PPP1R1C: variants seen among roughly 807,000 people sequenced by gnomAD.
PPP1R1C encodes the protein protein phosphatase 1 regulatory inhibitor subunit 1C.
In PPP1R1C, 15 loss-of-function variants were observed where a neutral mutation model predicts 17.4. The observed-to-expected ratio is 0.86, with a 90% CI of 0.58 to 1.33. The LOEUF is 1.33. Among genes scored for constraint, PPP1R1C ranks in the 40% most tolerant of loss-of-function variants. The pLI is 0.00. For missense variants in PPP1R1C, 143 were observed against 130.0 expected, an observed-to-expected ratio of 1.10 and a Z score of -0.48; for synonymous variants, 35 against 43.1, an observed-to-expected ratio of 0.81 and a Z score of 0.73.
chr2:182,100,144 G>T (rs1457856946), intron 4 of PPP1R1C, among the ~76,000 whole-genome samples: 1 of 152,112 alleles, frequency 6.6e-6, no homozygotes, highest in Non-Finnish European at 1.5e-5. Flanking sequence ...TGATACAGAA[G>T]AAAAAAGTAC....
intron 4 of PPP1R1C, among the ~76,000 whole-genome samples, chr2:182,097,213 T>G (rs1688966093): frequency 6.6e-6 from 1 of 151,734 alleles, no homozygotes. Flanking sequence ...CTGGAGGAGG[T>G]TTTTCATTAG....
Position 181,961,961 on chromosome 2 carries a change from G to A in PPP1R1C, n.111+7327G>A. On this transcript the variant is annotated intron_variant and non_coding_transcript_variant, in intron 1 of 5. Transcript: ENST00000464264. This position sits in a 1 kb window ranked among gnomAD's most constrained non-coding sequence, Gnocchi z 5.8. ...GTCACTCCCCACAGACGGGTGCATG[G>A]CCAGCTCTGTCTCATACTTGACTCT... 1.4e-6 allele frequency: 1 copy of A among 735,530 alleles called. No homozygotes were observed. The highest frequency in any genetic ancestry group is 2.5e-6 in the Non-Finnish European group (1 of 398,876). 45.6% of individuals were successfully genotyped at this position (735,530 alleles called of 1,614,324 possible).
Position 182,063,754 on chromosome 2 carries a change from A to C in PPP1R1C, c.204A>C (p.Gln68His), listed in dbSNP as rs1266519229. 1.9e-6 allele frequency: 3 copies of C among 1,612,926 alleles called. No homozygotes were observed. The highest frequency in any genetic ancestry group is 1.7e-5 in the Admixed American group (1 of 59,916). ...QGELQNASPK[Q>H]RKQSVYTPPT... ...AGTTACAGAATGCATCCCCTAAGCAAAGGAAGCAGAGTGTGTACACACCAC... is the reference window on the plus strand; with the variant it reads ...AGTTACAGAATGCATCCCCTAAGCACAGGAAGCAGAGTGTGTACACACCAC... The change falls in exon 4 of 5, where the codon CAA (glutamine) becomes CAC (histidine). Residue 68 changes from glutamine to histidine, a missense_variant. By Grantham distance (24) the Gln-to-His change is conservative. Transcript: ENST00000682840.
chr2:181,985,767 G>A (rs1685279797), upstream of PPP1R1C: 1 of 305,756 alleles, frequency 3.3e-6, no homozygotes, highest in Non-Finnish European at 6.2e-6. The surrounding 1 kb of genome is among the most constrained non-coding windows in gnomAD (Gnocchi z 4.1). Context: ...AGGGCAGTGG[G>A]TCCTTCAAGG....
At chr2:182,073,761 AG>A (rs1265460323) in intron 4 of PPP1R1C, among the ~76,000 whole-genome samples, 5 of 152,104 alleles carry the variant, frequency 3.3e-5, no homozygotes, top group Admixed American at 6.5e-5. Flanking sequence ...TTCCAGAAAG[AG>A]GGTTTGGCAG....
intron 4 of PPP1R1C, among the ~76,000 whole-genome samples, chr2:182,105,653 A>G (rs13414766): frequency 0.68 from 103,266 of 152,086 alleles, 35,342 homozygotes; most frequent in African/African-American, 0.75. Flanking sequence ...ATGATCATGA[A>G]GTTGGTAGAT....
chr2:182,030,324 T>C (rs1054825864), intron 2 of PPP1R1C, among the ~76,000 whole-genome samples: 1 of 152,210 alleles, frequency 6.6e-6, no homozygotes, highest in Non-Finnish European at 1.5e-5. Flanking sequence ...CTGTTCTGTT[T>C]TTTCCCCATC....
At chr2:182,054,643 G>A (rs568803329) in intron 2 of PPP1R1C, among the ~76,000 whole-genome samples, 22 of 150,938 alleles carry the variant, frequency 1.5e-4, no homozygotes, top group African/African-American at 5.4e-4. Flanking sequence ...GTGCCAATGT[G>A]TGTGTGTAAG....
chr2:182,102,500 TA>T (rs1233152402), intron 4 of PPP1R1C, among the ~76,000 whole-genome samples: 1 of 152,126 alleles, frequency 6.6e-6, no homozygotes, highest in Admixed American at 6.6e-5. Flanking sequence ...GAGGAAGAAA[TA>T]AAAGAATAAA....
intron 4 of PPP1R1C, among the ~76,000 whole-genome samples, chr2:182,092,583 A>G (rs1688812321): frequency 6.6e-6 from 1 of 152,190 alleles, no homozygotes; most frequent in East Asian, 1.9e-4. Context: ...TCCACCTATA[A>G]GCCTGTAAAA....
chr2:182,117,222 A>AATTC lies in PPP1R1C; in HGVS notation c.258_259insTTCA (p.Gly87PhefsTer5). 1 of 1,556,162 alleles carries AATTC rather than the reference A, an allele frequency of 6.4e-7. No homozygotes were observed. The highest frequency in any genetic ancestry group is 1.7e-4 in the Middle Eastern group (1 of 5,998). On this transcript the variant is annotated frameshift_variant, in exon 5 of 5. Coordinates refer to ENST00000682840, the MANE Select transcript of PPP1R1C (RefSeq NM_001080545.3). LOFTEE classifies it high-confidence loss of function. ...ATAATTTCAGGGGTTAAGCATCTGA[A>AATTC]AGGCCAGAATGAATCAGCATTCCCT...
upstream of PPP1R1C, among the ~76,000 whole-genome samples, chr2:181,982,030 C>A (rs1469974221): frequency 6.6e-6 from 1 of 152,170 alleles, no homozygotes; most frequent in East Asian, 1.9e-4. Context: ...TCTCATATAT[C>A]TGCATAACTT....
Position 181,957,426 on chromosome 2 carries a change from G to A in PPP1R1C, n.111+2792G>A, listed in dbSNP as rs1348826032. On this transcript the variant is annotated intron_variant and non_coding_transcript_variant, in intron 1 of 5. Transcript: ENST00000464264. This position sits in a 1 kb window ranked among gnomAD's most constrained non-coding sequence, Gnocchi z 4.2. ...CTTGAAATTCCACTCAATTCATGAAGCCATCTCAGTTTCTTCTGGGACAGG... is the reference window on the plus strand; with the variant it reads ...CTTGAAATTCCACTCAATTCATGAAACCATCTCAGTTTCTTCTGGGACAGG... Among the ~76,000 whole-genome samples, 1 of 152,136 alleles carries A rather than the reference G, an allele frequency of 6.6e-6. No homozygotes were observed. Among genetic ancestry groups the A allele is most frequent in the Non-Finnish European group, 1.5e-5 (1 of 68,018 alleles).
intron 4 of PPP1R1C, among the ~76,000 whole-genome samples, chr2:182,111,705 G>T (rs1689443010): frequency 6.6e-6 from 1 of 151,422 alleles, no homozygotes; most frequent in African/African-American, 2.4e-5. Flanking sequence ...AAATATTATA[G>T]ATTAAATTAT....
At position 181,961,308 on chromosome 2, in the gene PPP1R1C, A is replaced by G. The variant is rs1684779240; in HGVS notation, n.111+6674A>G. ...AGTTGCTGTTGTCCAGGGCATCACCAAGATTGAAGTCATCATCATCAAGCA... is the reference window on the plus strand; with the variant it reads ...AGTTGCTGTTGTCCAGGGCATCACCGAGATTGAAGTCATCATCATCAAGCA... On this transcript the variant is annotated intron_variant and non_coding_transcript_variant, in intron 1 of 5. Coordinates refer to the PPP1R1C transcript ENST00000464264. This position sits in a 1 kb window ranked among gnomAD's most constrained non-coding sequence, Gnocchi z 5.8. The G allele has an allele frequency of 5.5e-6, 4 of 733,576 alleles. No individual in the cohort carries two copies. Among genetic ancestry groups the G allele is most frequent in the Admixed American group, 1.8e-5 (1 of 54,344 alleles). The allele number at this position is 733,576 out of a possible 1,614,324, so 45.4% of individuals were successfully genotyped here.
intron 2 of PPP1R1C, among the ~76,000 whole-genome samples, chr2:182,005,560 T>C (rs926158085): frequency 6.6e-6 from 1 of 152,202 alleles, no homozygotes; most frequent in Admixed American, 6.5e-5. Flanking sequence ...TTTTGGAATT[T>C]TGAAGATTTG....
chr2:182,117,363 G>A lies in PPP1R1C; in HGVS notation c.*68G>A, dbSNP rs1574465375. 8.0e-6 allele frequency: 9 copies of A among 1,129,808 alleles called. No homozygotes were observed. In the East Asian group the frequency reaches 2.1e-4, roughly 26 times the overall value. 70.0% of individuals were successfully genotyped at this position (1,129,808 alleles called of 1,614,324 possible). ...TATTAACTTTTCTGAGTATACCATG[G>A]AATTCCACTGCTTGACTTCCAGAAG... On this transcript the variant is annotated 3_prime_UTR_variant, in exon 5 of 5. Transcript: ENST00000682840.
At chr2:182,044,290 A>G (rs1687278211) in intron 2 of PPP1R1C, among the ~76,000 whole-genome samples, 1 of 152,240 alleles carries the variant, frequency 6.6e-6, no homozygotes, top group East Asian at 1.9e-4. Context: ...GGAATAAACT[A>G]CAAACTTCAT....
intron 2 of PPP1R1C, among the ~76,000 whole-genome samples, chr2:182,002,194 AT>A (rs59509714): frequency 0.64 from 97,328 of 151,314 alleles, 32,657 homozygotes; most frequent in Middle Eastern, 0.76. Context: ...CCATCAAGGT[AT>A]TTTTTTTTCT....
Sources: allele counts gnomAD v4.1 joint callset (sites outside exome capture counted in the v4.1 genomes callset), GRCh38; gene constraint gnomAD v4.1.1; non-coding constraint Gnocchi (gnomAD v3.1); transcripts MANE v1.5; gene names NCBI Gene and HGNC (gene_info 2026-07-23, HGNC 2026-07-21).